ABCA12: variants seen among roughly 807,000 people sequenced by gnomAD.
ABCA12 encodes the protein glucosylceramide transporter ABCA12.
A neutral mutation model predicts 293.5 loss-of-function variants in ABCA12; 156 were observed. That is an observed-to-expected ratio of 0.53 (90% CI 0.47 to 0.61). The LOEUF (loss-of-function observed/expected upper bound fraction) is 0.61, where lower values mean the gene tolerates loss of function less well. ABCA12 is among the 20% of genes least tolerant of loss of function. ABCA12 has a pLI of 0.00. For missense variants in ABCA12, 2,797 were observed against 3,090.2 expected (o/e 0.91, Z 2.25); for synonymous variants, 1,063 against 1,108.0 (o/e 0.96, Z 0.81).
intron 39 of ABCA12, 106 bp downstream of exon 39, chr2:214,966,742 A>G: frequency 1.0e-6 from 1 of 975,946 alleles, no homozygotes. Context: ...TGATTTAGAT[A>G]CCATAAAATA....
intron 43 of ABCA12, among the ~76,000 whole-genome samples, chr2:214,954,509 T>A (rs1335691328): frequency 6.6e-6 from 1 of 152,164 alleles, no homozygotes; most frequent in East Asian, 1.9e-4. Context: ...GGAGAGGGAC[T>A]AAAATGCTGA....
Position 214,978,956 on chromosome 2 carries a change from T to C in ABCA12, c.4825A>G (p.Lys1609Glu), listed in dbSNP as rs762529016. The change falls in exon 32 of 53, where the codon AAG becomes GAG. Residue 1609 changes from lysine (K) to glutamate (E), a missense_variant. Physicochemically the swap from Lys to Glu is moderately conservative, Grantham distance 56. Transcript: ENST00000272895. ...ACAAGCTCTCCCCCAATATCCTCCT[T>C]GAGGTAGGCTTCGGGGAGATGTGAT... ...IQSHLPEAYL[K>E]EDIGGELVYV... The C allele has an allele frequency of 1.9e-6, 3 of 1,613,854 alleles. No individual in the cohort carries two copies. The highest frequency in any genetic ancestry group is 3.3e-4 in the Middle Eastern group (2 of 6,062).
rs34644785 is a variant in ABCA12 at position 215,004,342 on chromosome 2, T to C, written c.2593-43A>G. 0.1 allele frequency: 148,189 copies of C among 1,471,076 alleles called. 9,027 individuals carry two copies. Among genetic ancestry groups the C allele is most frequent in the Admixed American group, 0.23 (13,516 of 58,374 alleles). 91.1% of individuals were successfully genotyped at this position (1,471,076 alleles called of 1,614,324 possible). ...AAAATCAGTTTCAATACAAGAAAAA[T>C]CATGTTTGACATTGTCTCTCTAATA... On this transcript the variant is annotated intron_variant, in intron 19 of 52. Transcript: ENST00000272895.
chr2:215,128,303 C>T (rs1040411460), intron 1 of ABCA12, among the ~76,000 whole-genome samples: 1 of 152,264 alleles, frequency 6.6e-6, no homozygotes, highest in South Asian at 2.1e-4. Flanking sequence ...TGATGAATTT[C>T]CCAGGTGTTC....
At chr2:214,950,022 T>C (rs1164391934) in intron 45 of ABCA12, among the ~76,000 whole-genome samples, 1 of 152,176 alleles carries the variant, frequency 6.6e-6, no homozygotes, top group African/African-American at 2.4e-5. Flanking sequence ...AAAGGTTTGA[T>C]TGAAATATAT....
At chr2:214,983,377 C>G (rs923096945) in intron 29 of ABCA12, among the ~76,000 whole-genome samples, 42 of 152,040 alleles carry the variant, frequency 2.8e-4, no homozygotes, top group African/African-American at 1.0e-3. Context: ...GAGGCTTGGA[C>G]CAGGGTAGTA....
At chr2:214,971,541 C>T (rs1177129797) in intron 36 of ABCA12, among the ~76,000 whole-genome samples, 1 of 152,118 alleles carries the variant, frequency 6.6e-6, no homozygotes, top group South Asian at 2.1e-4. Flanking sequence ...GTAACAGACA[C>T]AGCGTAGTTT....
In ABCA12 at chr2:214,932,062, C is replaced by T. The variant is rs1367009523; in HGVS notation, c.*572G>A. The T allele has an allele frequency of 1.3e-5, 2 of 157,472 alleles. No homozygotes were observed. The highest frequency in any genetic ancestry group is 2.8e-5 in the Non-Finnish European group (2 of 71,814). 9.8% of individuals were successfully genotyped at this position (157,472 alleles called of 1,614,324 possible). A position where few individuals can be genotyped will look rare whatever the true frequency, so the allele number is the denominator to read the frequency against. ...GCACTTTTTTTCGGGTTCAGCACGTCCCCATGCATTCACAGGTACCGAAAG... is the reference window on the plus strand; with the variant it reads ...GCACTTTTTTTCGGGTTCAGCACGTTCCCATGCATTCACAGGTACCGAAAG... On this transcript the variant is annotated 3_prime_UTR_variant, in exon 53 of 53. Coordinates refer to ENST00000272895, the MANE Select transcript of ABCA12 (RefSeq NM_173076.3).
intron 11 of ABCA12, chr2:215,021,902 T>C (rs1700638308): frequency 2.0e-5 from 3 of 152,212 alleles, no homozygotes; most frequent in Admixed American, 2.0e-4. Context: ...AATAGGTTTA[T>C]ATGTACAAAA....
In ABCA12 at chr2:214,950,881, C is replaced by T. The variant is rs961918587; in HGVS notation, c.6850G>A (p.Glu2284Lys). 1.9e-6 allele frequency: 3 copies of T among 1,613,772 alleles called. No individual in the cohort carries two copies. The highest frequency in any genetic ancestry group is 1.1e-5 in the South Asian group (1 of 91,074). ...NNISIGIPAG[E>K]CFGLLGVNGA... is the part of the protein sequence containing the mutation. The stretch of plus-strand genomic sequence containing the variant: ...AGAAACAAAACACAGTTTCTTACCT[C>T]TCCAGCAGGTATCCCAATGCTGATG... Residue 2284 changes from glutamate (E) to lysine (K), a missense_variant and splice_region_variant, in exon 45 of 53, where the codon GAG becomes AAG. Physicochemically the swap from Glu to Lys is moderately conservative, Grantham distance 56. This residue lies in a region of ABCA12 where 2,130 missense variants were observed against 2,427.0 expected (regional missense o/e 0.88). Transcript: ENST00000272895.
intron 1 of ABCA12, among the ~76,000 whole-genome samples, chr2:215,116,435 G>C (rs991491650): frequency 6.6e-6 from 1 of 152,144 alleles, no homozygotes. Context: ...TTGCTTGATT[G>C]ATATAGATAG....
chr2:215,050,497 A>G (rs1701298571), intron 5 of ABCA12, among the ~76,000 whole-genome samples: 1 of 152,146 alleles, frequency 6.6e-6, no homozygotes, highest in South Asian at 2.1e-4. Context: ...TATTTTACCC[A>G]TAATGTTGAT....
At chr2:215,093,610 G>T (rs930752981) in intron 2 of ABCA12, among the ~76,000 whole-genome samples, 1 of 152,172 alleles carries the variant, frequency 6.6e-6, no homozygotes, top group Non-Finnish European at 1.5e-5. Context: ...GTCTGCGTGC[G>T]GCAGCTGCCG....
chr2:214,944,886 T>TATAC (rs1553519448), intron 49 of ABCA12, 115 bp downstream of exon 49: 12 of 732,960 alleles, frequency 1.6e-5, no homozygotes, highest in African/African-American at 7.0e-5. Context: ...TATATATATA[T>TATAC]ACACACACAT....
intron 10 of ABCA12, 27 bp downstream of exon 10, chr2:215,026,793 C>T (rs1433956524): frequency 2.0e-6 from 3 of 1,528,886 alleles, no homozygotes; most frequent in African/African-American, 1.4e-5. Context: ...CCATGAGCAG[C>T]ATTTTGACTG....
intron 2 of ABCA12, chr2:215,082,516 C>T (rs1472739307): frequency 1.3e-5 from 2 of 152,150 alleles, no homozygotes; most frequent in Non-Finnish European, 1.5e-5. Flanking sequence ...AATTGTGCTA[C>T]AGGGTTCAAA....
chr2:215,098,090 A>G (rs537098121), intron 2 of ABCA12, among the ~76,000 whole-genome samples: 1 of 152,296 alleles, frequency 6.6e-6, no homozygotes, highest in South Asian at 2.1e-4. Flanking sequence ...TTTTTCCAGA[A>G]TAAACCATGT....
At chr2:215,036,725 G>GTTGT (rs1701002326) in intron 8 of ABCA12, among the ~76,000 whole-genome samples, 1 of 151,796 alleles carries the variant, frequency 6.6e-6, no homozygotes, top group Non-Finnish European at 1.5e-5. Flanking sequence ...AGCTAACAGA[G>GTTGT]ATCATTTTCA....
At chr2:215,117,239 GA>G (rs578080126) in intron 1 of ABCA12, among the ~76,000 whole-genome samples, 1 of 152,138 alleles carries the variant, frequency 6.6e-6, no homozygotes, top group Non-Finnish European at 1.5e-5. Context: ...AAGAGTGCAA[GA>G]GATGAAGAAA....
Sources: gnomAD v4.1 joint callset for allele counts (sites outside exome capture counted in the v4.1 genomes callset) on GRCh38, gnomAD v4.1.1 for gene constraint, gnomAD v4.1.1 regional missense constraint, MANE v1.5 for transcripts, NCBI Gene and HGNC (gene_info 2026-07-23, HGNC 2026-07-21) for gene names.